Variants in CYP3A43 observed in about 807,000 individuals in gnomAD.
The protein encoded by CYP3A43 is cytochrome P450 family 3 subfamily A member 43.
In CYP3A43, 45 loss-of-function variants were observed where a neutral mutation model predicts 58.0. The ratio of observed to expected loss-of-function variants is 0.78; its 90% CI spans 0.61 to 0.99. The LOEUF is 0.99. Ranked by LOEUF, CYP3A43 falls within the 50% of genes least tolerant of loss-of-function variation. The pLI, the probability that CYP3A43 is intolerant of heterozygous loss-of-function variation, is 0.00. For synonymous variants in CYP3A43, 191 were observed against 201.4 expected, an observed-to-expected ratio of 0.95 and a Z score of 0.44; for missense variants, 593 against 591.9, an observed-to-expected ratio of 1.00 and a Z score of -0.02.
intron 7 of CYP3A43, among the ~76,000 whole-genome samples, chr7:99,854,552 A>G (rs1218270194): frequency 6.6e-6 from 1 of 151,878 alleles, no homozygotes; most frequent in East Asian, 1.9e-4. Flanking sequence ...ATTGCTTTTA[A>G]ATCTGTATTT....
At chr7:99,846,760 C>T (rs1055557115) in intron 4 of CYP3A43, among the ~76,000 whole-genome samples, 8 of 151,900 alleles carry the variant, frequency 5.3e-5, no homozygotes, top group Admixed American at 4.6e-4. Context: ...AAATTGAGGA[C>T]GTTTCTCTTT....
chr7:99,853,686 A>G (rs1817849248), intron 7 of CYP3A43, among the ~76,000 whole-genome samples: 1 of 152,118 alleles, frequency 6.6e-6, no homozygotes, highest in South Asian at 2.1e-4. Context: ...CCTCCAGAGT[A>G]GTTGGGACTA....
At chr7:99,852,592 A>T (rs571864018) in intron 7 of CYP3A43, among the ~76,000 whole-genome samples, 1 of 152,050 alleles carries the variant, frequency 6.6e-6, no homozygotes, top group African/African-American at 2.4e-5. Context: ...CCACTTTTGG[A>T]TTGTATATTG....
chr7:99,849,281 T>C (rs1240671470), intron 6 of CYP3A43, among the ~76,000 whole-genome samples: 1 of 152,258 alleles, frequency 6.6e-6, no homozygotes, highest in African/African-American at 2.4e-5. Context: ...TTATTGGGTC[T>C]GTGTCTCCCT....
At chr7:99,846,063 C>T (rs892955768) in intron 4 of CYP3A43, among the ~76,000 whole-genome samples, 3 of 152,326 alleles carry the variant, frequency 2.0e-5, no homozygotes, top group Middle Eastern at 3.4e-3. Flanking sequence ...AGACATGAGC[C>T]ACCACGCCTG....
At chr7:99,847,199 G>T (rs1342336425) in intron 4 of CYP3A43, among the ~76,000 whole-genome samples, 1 of 151,968 alleles carries the variant, frequency 6.6e-6, no homozygotes, top group African/African-American at 2.4e-5. Context: ...CTATTCTACT[G>T]GAAGAACTGG....
chr7:99,859,788 A>G, intron 9 of CYP3A43, 42 bp from the exon 10 acceptor site: 1 of 1,612,850 alleles, frequency 6.2e-7, no homozygotes. Context: ...GTGATGCTCT[A>G]CACTAACCAC....
chr7:99,836,257 G>T (rs1817071885), intron 1 of CYP3A43, among the ~76,000 whole-genome samples, 196 bp from the exon 2 acceptor site: 1 of 152,144 alleles, frequency 6.6e-6, no homozygotes, highest in Non-Finnish European at 1.5e-5. Context: ...ATATCCTCCT[G>T]AACCCCATTG....
At chr7:99,831,210 A>G (rs1156532216) in intron 1 of CYP3A43, among the ~76,000 whole-genome samples, 1 of 152,228 alleles carries the variant, frequency 6.6e-6, no homozygotes, top group Non-Finnish European at 1.5e-5. Flanking sequence ...CATTCTCTTC[A>G]TGCAATTTTT....
At position 99,847,538 on chromosome 7, in the gene CYP3A43, T is replaced by A. The variant is rs374699872; in HGVS notation, c.369T>A (p.Asp123Glu). 1.2e-6 allele frequency: 2 copies of A among 1,613,888 alleles called. No individual in the cohort carries two copies. The highest frequency in any genetic ancestry group is 1.7e-6 in the Non-Finnish European group (2 of 1,179,996). ...AAAGTGCCTTAAGTTTTGCTGAAGA[T>A]GAAGAATGGAAGAGAATACGAACAT... Reference protein sequence around the residue: ...FLKSALSFAEDEEWKRIRTLL... With the variant: ...FLKSALSFAEEEEWKRIRTLL... Residue 123 changes from aspartate (D) to glutamate (E), a missense_variant, in exon 5 of 13, where the codon GAT becomes GAA. Coordinates refer to ENST00000354829, the MANE Select transcript of CYP3A43 (RefSeq NM_057095.3).
intron 7 of CYP3A43, among the ~76,000 whole-genome samples, chr7:99,854,305 T>C (rs1817889100): frequency 1.3e-5 from 2 of 151,732 alleles, no homozygotes; most frequent in South Asian, 4.2e-4. Context: ...CTCCCGGGTT[T>C]AAGCAATTCT....
At chr7:99,848,919 T>C (rs1256967436) in intron 6 of CYP3A43, among the ~76,000 whole-genome samples, 1 of 152,188 alleles carries the variant, frequency 6.6e-6, no homozygotes, top group Non-Finnish European at 1.5e-5. Flanking sequence ...CCGATCAACT[T>C]TGGAGTGATC....
intron 12 of CYP3A43, among the ~76,000 whole-genome samples, chr7:99,863,982 T>C (rs568097475): frequency 7.2e-4 from 107 of 148,696 alleles, no homozygotes; most frequent in Non-Finnish European, 1.1e-3. Flanking sequence ...CAGTTTCATG[T>C]CAACTGTAAA....
chr7:99,838,425 C>A (rs1016364772), intron 2 of CYP3A43, among the ~76,000 whole-genome samples: 2 of 152,116 alleles, frequency 1.3e-5, no homozygotes, highest in Non-Finnish European at 2.9e-5. Context: ...TTGCACATTC[C>A]CTTGAGACAC....
At chr7:99,863,784 T>A (rs188736592) in intron 12 of CYP3A43, 85 bp downstream of exon 12, 8 of 1,119,256 alleles carry the variant, frequency 7.1e-6, no homozygotes, top group Non-Finnish European at 9.5e-6. Flanking sequence ...TTGTTCATTT[T>A]TCAATAATTT....
Position 99,845,732 on chromosome 7 carries a change from T to C in CYP3A43, c.318+1490T>C, listed in dbSNP as rs77537800. ...AGCTGTACGGTAACTATTAACATCATGTAGAGGGATTACTCCCACTTTATT... is the reference window on the plus strand; with the variant it reads ...AGCTGTACGGTAACTATTAACATCACGTAGAGGGATTACTCCCACTTTATT... On this transcript the variant is annotated intron_variant, in intron 4 of 12. Transcript: ENST00000354829. 8.2e-4 allele frequency among the ~76,000 whole-genome samples: 125 copies of C among 152,276 alleles called. 1 individual carries two copies. The East Asian group carries it at 0.012, about 15-fold the overall frequency.
chr7:99,831,832 T>C (rs1409059223), intron 1 of CYP3A43, among the ~76,000 whole-genome samples: 4 of 152,204 alleles, frequency 2.6e-5, no homozygotes, highest in Non-Finnish European at 5.9e-5. Flanking sequence ...GAGGGCCAGA[T>C]TGCACAAGAG....
intron 7 of CYP3A43, chr7:99,850,113 C>T (rs182042570): frequency 2.4e-5 from 9 of 376,620 alleles, no homozygotes; most frequent in African/African-American, 6.7e-5. Context: ...CACACCACCA[C>T]GCCTGGCTAA....
intron 1 of CYP3A43, among the ~76,000 whole-genome samples, chr7:99,835,069 G>A (rs1817016124): frequency 1.3e-5 from 2 of 152,218 alleles, no homozygotes; most frequent in African/African-American, 4.8e-5. Context: ...TTGTGGGGTT[G>A]GACACATCTG....
Sources: gnomAD v4.1 joint callset for allele counts (sites outside exome capture counted in the v4.1 genomes callset) on GRCh38, gnomAD v4.1.1 for gene constraint, MANE v1.5 for transcripts, NCBI Gene and HGNC (gene_info 2026-07-23, HGNC 2026-07-21) for gene names.